SRRD: variants seen among roughly 807,000 people sequenced by gnomAD.
The protein encoded by SRRD is SRR1 domain containing.
Under a neutral mutation model 30.7 loss-of-function variants are expected in SRRD, and 28 were observed. That is an observed-to-expected ratio of 0.91 (90% CI 0.68 to 1.25). The LOEUF (loss-of-function observed/expected upper bound fraction) is 1.25, where lower values mean the gene tolerates loss of function less well. Ranked by LOEUF, SRRD falls within the 50% of genes most tolerant of loss-of-function variation. SRRD has a pLI of 0.00. For synonymous variants in SRRD, 161 were observed against 159.6 expected, an observed-to-expected ratio of 1.01 and a Z score of -0.07; for missense variants, 415 against 417.3, an observed-to-expected ratio of 0.99 and a Z score of 0.05.
chr22:26,493,948 T>C lies in SRRD; in HGVS notation c.*2276T>C. The C allele has an allele frequency of 1.2e-5, 7 of 590,878 alleles. No individual in the cohort carries two copies. In the South Asian group the frequency reaches 1.4e-4, roughly 12 times the overall value. The allele number at this position is 590,878 out of a possible 1,614,324, so 36.6% of individuals were successfully genotyped here. A position where few individuals can be genotyped will look rare whatever the true frequency, so the allele number is the denominator to read the frequency against. ...GGGAAGATGCCCCTCTCAGTCATGG[T>C]AGACCTGGGCAGTGGGTGCCAGCTG... On this transcript the variant is annotated 3_prime_UTR_variant, in exon 7 of 7. Coordinates refer to ENST00000215917, the MANE Select transcript of SRRD (RefSeq NM_001013694.3).
At chr22:26,490,319 G>C in intron 5 of SRRD, 121 bp downstream of exon 5, 1 of 1,150,666 alleles carries the variant, frequency 8.7e-7, no homozygotes, top group Non-Finnish European at 1.2e-6. Context: ...TTTCCACAGG[G>C]AACTGGATGA....
intron 1 of SRRD, among the ~76,000 whole-genome samples, chr22:26,485,387 T>C (rs1176894804): frequency 2.0e-5 from 3 of 152,274 alleles, no homozygotes; most frequent in African/African-American, 7.2e-5. Context: ...TACTCCTTTC[T>C]GAACCCCATA....
chr22:26,484,122 T>A (rs2091633026), intron 1 of SRRD, 23 bp downstream of exon 1: 11 of 1,524,710 alleles, frequency 7.2e-6, no homozygotes, highest in African/African-American at 1.4e-5. Context: ...TCGGCCCTGA[T>A]GGAATCTTTG....
intron 5 of SRRD, 68 bp downstream of exon 5, chr22:26,490,266 T>C: frequency 3.2e-6 from 5 of 1,558,206 alleles, no homozygotes; most frequent in Non-Finnish European, 4.4e-6. Context: ...TTGACCCACA[T>C]GCAGAAAACA....
At chr22:26,491,407 A>G (rs1279628928) in intron 6 of SRRD, 56 bp from the exon 7 acceptor site, 4 of 1,327,530 alleles carry the variant, frequency 3.0e-6, no homozygotes, top group Non-Finnish European at 4.2e-6. Context: ...TTATCCCAGA[A>G]GAGTGGGGAT....
intron 2 of SRRD, among the ~76,000 whole-genome samples, chr22:26,486,862 T>C (rs2091712168): frequency 6.6e-6 from 1 of 151,798 alleles, no homozygotes; most frequent in Non-Finnish European, 1.5e-5. Context: ...AAAATTGACC[T>C]GAAGAGCCAG....
At position 26,488,399 on chromosome 22, in the gene SRRD, A is replaced by G; in HGVS notation, c.520A>G (p.Ser174Gly). The change falls in exon 4 of 7, where the codon AGT becomes GGT. Residue 174 changes from serine to glycine, a missense_variant. Ser to Gly is a moderately conservative substitution (Grantham distance 56). Transcript: ENST00000215917. ...LLLEKCQIPR[S>G]HCWVYDPLFS... ...CATTCTTCCCTTCTAGATTCCCAGA[A>G]GTCACTGTTGGGTATATGACCCTCT... is the stretch of plus-strand genomic sequence containing the variant. The G allele has an allele frequency of 6.2e-7, 1 of 1,614,208 alleles. No individual in the cohort carries two copies. The highest frequency in any genetic ancestry group is 8.5e-7 in the Non-Finnish European group (1 of 1,180,020).
chr22:26,489,561 G>A (rs1211799776), intron 4 of SRRD, among the ~76,000 whole-genome samples: 4 of 152,040 alleles, frequency 2.6e-5, no homozygotes, highest in African/African-American at 9.7e-5. Context: ...GCAAGGGTCA[G>A]ACAAAGGGCC....
chr22:26,494,185 AAATTT>A lies in SRRD; in HGVS notation c.*2514_*2518del, dbSNP rs775514243. The A allele has an allele frequency of 1.2e-6, 2 of 1,614,230 alleles. No homozygotes were observed. Among genetic ancestry groups the A allele is most frequent in the Non-Finnish European group, 1.7e-6 (2 of 1,180,036 alleles). ...GGTTCATGATATCAAGTGCCTCATT[AAATTT>A]GTCCTTGACAGATGGATGTGCCAGC... On this transcript the variant is annotated 3_prime_UTR_variant, in exon 7 of 7. Coordinates refer to ENST00000215917, the MANE Select transcript of SRRD (RefSeq NM_001013694.3).
intron 2 of SRRD, among the ~76,000 whole-genome samples, chr22:26,487,267 C>T (rs977649432): frequency 2.0e-5 from 3 of 152,108 alleles, no homozygotes; most frequent in African/African-American, 4.8e-5. Flanking sequence ...TTGGAATGCA[C>T]GGCTTTTTTT....
rs1201312732 is a variant in SRRD, at chr22:26,494,313, A to G, written c.*2641A>G. The G allele has an allele frequency of 5.6e-6, 9 of 1,614,122 alleles. No homozygotes were observed. The highest frequency in any genetic ancestry group is 1.3e-5 in the African/African-American group (1 of 74,946). On this transcript the variant is annotated 3_prime_UTR_variant, in exon 7 of 7. Transcript: ENST00000215917. ...AGCCAAGAGCACAGCACCTGCCAAA[A>G]AGAAAAATTACTTGCATCCATCGTG... is the stretch of plus-strand genomic sequence containing the variant.
Position 26,491,023 on chromosome 22 carries a change from AG to A in SRRD, c.765del. 6.2e-7 allele frequency: 1 copy of A among 1,608,172 alleles called. No homozygotes were observed. The highest frequency in any genetic ancestry group is 8.5e-7 in the Non-Finnish European group (1 of 1,178,026). ...GTTTTTTTGGTTTTTTTTAATTTCT[AG>A]GTTGTTGGCAAGGATTCTGCAGAAA... On this transcript the variant is annotated splice_acceptor_variant, in intron 5 of 6. Coordinates refer to ENST00000215917, the MANE Select transcript of SRRD (RefSeq NM_001013694.3). LOFTEE classifies it high-confidence loss of function.
chr22:26,492,532 C>A lies in SRRD; in HGVS notation c.*860C>A. On this transcript the variant is annotated 3_prime_UTR_variant, in exon 7 of 7. Transcript: ENST00000215917. ...TTTGGAGGAAGTTTAGACGACTGGCCAGTATCACATAAAAACTGTTCAGAA... is the reference window on the plus strand; with the variant it reads ...TTTGGAGGAAGTTTAGACGACTGGCAAGTATCACATAAAAACTGTTCAGAA... 1.6e-6 allele frequency: 1 copy of A among 624,576 alleles called. No homozygotes were observed. The allele number at this position is 624,576 out of a possible 1,614,324, so 38.7% of individuals were successfully genotyped here.
rs1921340638 is a variant in SRRD at position 26,492,443 on chromosome 22, A to G, written c.*771A>G. On this transcript the variant is annotated 3_prime_UTR_variant, in exon 7 of 7. Coordinates refer to ENST00000215917, the MANE Select transcript of SRRD (RefSeq NM_001013694.3). ...GGAAGTTGACACTGTGGCTTGGCCC[A>G]GGTCTTGGGTGTGCCAGAGTGCTTG... 7.1e-7 allele frequency: 1 copy of G among 1,411,898 alleles called. No individual in the cohort carries two copies. Among genetic ancestry groups the G allele is most frequent in the East Asian group, 2.3e-5 (1 of 43,756 alleles). The allele number at this position is 1,411,898 out of a possible 1,614,324, so 87.5% of individuals were successfully genotyped here.
chr22:26,488,575 T>G, intron 4 of SRRD, 87 bp downstream of exon 4: 1 of 1,006,338 alleles, frequency 9.9e-7, no homozygotes, highest in Non-Finnish European at 1.6e-6. Context: ...CAGCATTCTT[T>G]GCAGTGGCAG....
intron 4 of SRRD, among the ~76,000 whole-genome samples, chr22:26,488,694 C>T (rs1179726345): frequency 1.3e-5 from 2 of 152,224 alleles, no homozygotes; most frequent in African/African-American, 4.8e-5. Flanking sequence ...AAAAATTACA[C>T]AGATAGCATG....
At position 26,493,769 on chromosome 22, in the gene SRRD, C is replaced by T. The variant is rs1405410857; in HGVS notation, c.*2097C>T. On this transcript the variant is annotated 3_prime_UTR_variant, in exon 7 of 7. Coordinates refer to ENST00000215917, the MANE Select transcript of SRRD (RefSeq NM_001013694.3). ...GCTGAGCAATCACCAAGTGTCAGAC[C>T]GCGTGCCAAACTCCACACTGTAAGA... 2.8e-5 allele frequency: 6 copies of T among 217,772 alleles called. No homozygotes were observed. Among genetic ancestry groups the T allele is most frequent in the Non-Finnish European group, 2.8e-5 (3 of 106,776 alleles). 13.5% of individuals were successfully genotyped at this position (217,772 alleles called of 1,614,324 possible).
rs112158657 is a variant in SRRD at position 26,491,956 on chromosome 22, T to C, written c.*284T>C. On this transcript the variant is annotated 3_prime_UTR_variant, in exon 7 of 7. Coordinates refer to ENST00000215917, the MANE Select transcript of SRRD (RefSeq NM_001013694.3). ...GAAGGTGATCTAAAAATACTGTTTA[T>C]TTACAGTACATCCCTCTTAGGGGCA... 229 of 1,474,754 alleles carry C rather than the reference T, an allele frequency of 1.6e-4. 1 individual carries two copies. The African/African-American group carries it at 2.8e-3, about 18-fold the overall frequency. The allele number at this position is 1,474,754 out of a possible 1,614,324, so 91.4% of individuals were successfully genotyped here.
chr22:26,488,777 G>T (rs752535508), intron 4 of SRRD, among the ~76,000 whole-genome samples: 24 of 152,248 alleles, frequency 1.6e-4, no homozygotes, highest in Non-Finnish European at 3.4e-4. Context: ...CTTGGTATTT[G>T]CTGTTGCTAC....
Sources: allele counts gnomAD v4.1 joint callset (sites outside exome capture counted in the v4.1 genomes callset), GRCh38; gene constraint gnomAD v4.1.1; transcripts MANE v1.5; gene names NCBI Gene and HGNC (gene_info 2026-07-23, HGNC 2026-07-21).